Variants in PABPC4L observed in about 807,000 individuals in gnomAD.
The protein encoded by PABPC4L is polyadenylate-binding protein 4-like.
For missense variants in PABPC4L, 452 were observed against 451.4 expected (o/e 1.00, Z -0.01); for synonymous variants, 169 against 164.1 (o/e 1.03, Z -0.23).
chr4:134,140,979 A>C, the PABPC4L span, among the ~76,000 whole-genome samples: 4 of 151,826 alleles, frequency 2.6e-5, no homozygotes, highest in African/African-American at 9.7e-5. Flanking sequence ...TAAGTATTTG[A>C]AAATTTGCAG....
chr4:134,201,102 C>T lies in PABPC4L; in HGVS notation c.-83G>A. 1 of 1,550,768 alleles carries T rather than the reference C, an allele frequency of 6.4e-7. No individual in the cohort carries two copies. Among genetic ancestry groups the T allele is most frequent in the Non-Finnish European group, 8.7e-7 (1 of 1,146,866 alleles). On this transcript the variant is annotated 5_prime_UTR_variant, in exon 2 of 2. Coordinates refer to ENST00000421491, the MANE Select transcript of PABPC4L (RefSeq NM_001114734.2). ...GGGGGATACTAGGTCACAGCTTTGG[C>T]CCGGTTCAAGTGTGGAGGCCTCGGG...
At chr4:134,175,412 T>C in the PABPC4L span, among the ~76,000 whole-genome samples, 2 of 151,932 alleles carry the variant, frequency 1.3e-5, no homozygotes, top group African/African-American at 2.4e-5. Context: ...TAATTTAATT[T>C]AATTTATTTT....
chr4:133,976,852 T>C, the PABPC4L span, among the ~76,000 whole-genome samples: 1 of 152,184 alleles, frequency 6.6e-6, no homozygotes, highest in Non-Finnish European at 1.5e-5. Flanking sequence ...TTGTAGATTC[T>C]GGATATTAGA....
At chr4:133,986,982 C>T in the PABPC4L span, among the ~76,000 whole-genome samples, 1 of 152,024 alleles carries the variant, frequency 6.6e-6, no homozygotes, top group Non-Finnish European at 1.5e-5. Flanking sequence ...GTGATCTACC[C>T]GACTCGACCT....
rs529688989 is a variant in PABPC4L at position 134,199,443 on chromosome 4, G to C, written c.*464C>G. ...TCGTACTATAAATTTCTAAAAGTTT[G>C]ATTTCTCAAAACTTGGATGAAAAAT... On this transcript the variant is annotated 3_prime_UTR_variant, in exon 2 of 2. Transcript: ENST00000421491. 6.6e-6 allele frequency: 1 copy of C among 152,362 alleles called. No homozygotes were observed. Among genetic ancestry groups the C allele is most frequent in the African/African-American group, 2.4e-5 (1 of 41,560 alleles). The allele number at this position is 152,362 out of a possible 1,614,324, so 9.4% of individuals were successfully genotyped here. A position where few individuals can be genotyped will look rare whatever the true frequency, so the allele number is the denominator to read the frequency against.
chr4:134,127,545 A>G, the PABPC4L span, among the ~76,000 whole-genome samples: 1 of 152,076 alleles, frequency 6.6e-6, no homozygotes, highest in Admixed American at 6.6e-5. Context: ...GATCCAGAAG[A>G]GAAGTAACAA....
chr4:133,954,386 A>G, the PABPC4L span, among the ~76,000 whole-genome samples: 1 of 152,172 alleles, frequency 6.6e-6, no homozygotes, highest in Non-Finnish European at 1.5e-5. Context: ...GAGTTTTATC[A>G]TTTACATAGA....
chr4:134,124,013 T>G, the PABPC4L span, among the ~76,000 whole-genome samples: 1 of 152,028 alleles, frequency 6.6e-6, no homozygotes, highest in Non-Finnish European at 1.5e-5. Context: ...TGTTAGGTGA[T>G]TTTTAGAGAG....
the PABPC4L span, among the ~76,000 whole-genome samples, chr4:134,157,326 A>G: frequency 6.6e-6 from 1 of 151,420 alleles, no homozygotes; most frequent in African/African-American, 2.4e-5. Context: ...TTTTATGAAT[A>G]ACTTTGCTGT....
the PABPC4L span, among the ~76,000 whole-genome samples, chr4:134,074,862 C>A: frequency 2.0e-5 from 3 of 152,086 alleles, no homozygotes; most frequent in East Asian, 1.9e-4. Flanking sequence ...GGGTAACTGG[C>A]CCCATGATTC....
downstream of PABPC4L, among the ~76,000 whole-genome samples, chr4:134,196,130 T>C (rs1462614141): frequency 6.6e-6 from 1 of 151,488 alleles, no homozygotes; most frequent in African/African-American, 2.4e-5. Flanking sequence ...TTAAAACTTG[T>C]TAGTGTTTTG....
the PABPC4L span, among the ~76,000 whole-genome samples, chr4:134,014,750 A>T: frequency 6.6e-6 from 1 of 151,720 alleles, no homozygotes; most frequent in Non-Finnish European, 1.5e-5. Flanking sequence ...CTTAATCAAT[A>T]CAAAGCCTAC....
At chr4:134,031,869 G>T in the PABPC4L span, among the ~76,000 whole-genome samples, 9 of 151,838 alleles carry the variant, frequency 5.9e-5, no homozygotes, top group Admixed American at 4.6e-4. Context: ...TATTAGAATT[G>T]CAGACAGAAT....
chr4:134,114,740 A>G, the PABPC4L span, among the ~76,000 whole-genome samples: 1 of 151,872 alleles, frequency 6.6e-6, no homozygotes, highest in South Asian at 2.1e-4. Context: ...GTGAAGGCAA[A>G]CTAGTTAATA....
chr4:134,137,394 T>A, the PABPC4L span, among the ~76,000 whole-genome samples: 3 of 151,950 alleles, frequency 2.0e-5, no homozygotes, highest in African/African-American at 7.2e-5. Context: ...TTTACAAGTA[T>A]AAGAGATTAG....
At chr4:134,138,875 G>A in the PABPC4L span, among the ~76,000 whole-genome samples, 184 of 151,880 alleles carry the variant, frequency 1.2e-3, no homozygotes, top group African/African-American at 4.3e-3. Context: ...TAACTTTGCT[G>A]CAGACATTGG....
the PABPC4L span, among the ~76,000 whole-genome samples, chr4:133,958,572 AT>A: frequency 6.6e-6 from 1 of 152,202 alleles, no homozygotes; most frequent in South Asian, 2.1e-4. Context: ...CTATGAAGAA[AT>A]ACCCAAGACT....
the PABPC4L span, among the ~76,000 whole-genome samples, chr4:134,025,434 T>C: frequency 6.6e-6 from 1 of 151,612 alleles, no homozygotes; most frequent in East Asian, 1.9e-4. Flanking sequence ...AAGGGTAGAA[T>C]ATACCTATTT....
chr4:134,141,108 A>G, the PABPC4L span, among the ~76,000 whole-genome samples: 1 of 151,752 alleles, frequency 6.6e-6, no homozygotes, highest in Admixed American at 6.6e-5. Context: ...CTAATGGAAA[A>G]CTACATTGTA....
Sources: allele counts gnomAD v4.1 joint callset (sites outside exome capture counted in the v4.1 genomes callset), GRCh38; gene constraint gnomAD v4.1.1; transcripts MANE v1.5; gene names NCBI Gene and HGNC (gene_info 2026-07-23, HGNC 2026-07-21).